Variants in GABBR2 observed in about 807,000 individuals in gnomAD.
GABBR2 encodes the protein G-protein coupled receptor 51.
GABBR2 carries 23 observed loss-of-function variants against 105.6 expected under a neutral mutation model. That is an observed-to-expected ratio of 0.22 (90% CI 0.16 to 0.31). The LOEUF is 0.31. Among genes scored for constraint, GABBR2 ranks in the 10% least tolerant of loss-of-function variants. The pLI, the probability that GABBR2 is intolerant of heterozygous loss-of-function variation, is 1.00. For missense variants in GABBR2, 734 were observed against 1,245.5 expected (o/e 0.59, Z 6.18); for synonymous variants, 478 against 499.7 (o/e 0.96, Z 0.58).
At chr9:98,601,290 GA>G (rs1484541128) in intron 1 of GABBR2, among the ~76,000 whole-genome samples, 1 of 152,210 alleles carries the variant, frequency 6.6e-6, no homozygotes, top group African/African-American at 2.4e-5. Flanking sequence ...GCCAAAAAGG[GA>G]AGATCATTTG....
chr9:98,428,489 C>T (rs1210949660), intron 7 of GABBR2, among the ~76,000 whole-genome samples: 2 of 152,150 alleles, frequency 1.3e-5, no homozygotes, highest in African/African-American at 4.8e-5. Context: ...GGATCAGCCT[C>T]CTAGAGCACC....
chr9:98,357,049 A>G (rs900623914), intron 13 of GABBR2, among the ~76,000 whole-genome samples: 6 of 152,260 alleles, frequency 3.9e-5, no homozygotes, highest in Non-Finnish European at 8.8e-5. Context: ...AGCACAGAGG[A>G]TATTTAGAAC....
intron 2 of GABBR2, among the ~76,000 whole-genome samples, chr9:98,547,248 A>G (rs1442358468): frequency 8.5e-6 from 1 of 117,116 alleles, no homozygotes; most frequent in Non-Finnish European, 1.9e-5. Context: ...TTTCCAACTC[A>G]GTAAAAAAAA....
chr9:98,642,038 G>A (rs898188325), intron 1 of GABBR2, among the ~76,000 whole-genome samples: 19 of 152,182 alleles, frequency 1.2e-4, no homozygotes, highest in South Asian at 4.1e-4. Context: ...TCCCGCTTAC[G>A]GCAGCCCTGG....
chr9:98,382,173 G>A (rs986710066), intron 11 of GABBR2, among the ~76,000 whole-genome samples: 5 of 152,076 alleles, frequency 3.3e-5, no homozygotes, highest in African/African-American at 2.4e-5. Context: ...TGAGGAGATG[G>A]GCAGAGTGGC....
chr9:98,556,350 C>T (rs182805232), intron 2 of GABBR2, among the ~76,000 whole-genome samples: 74 of 152,150 alleles, frequency 4.9e-4, no homozygotes, highest in Middle Eastern at 3.4e-3. Flanking sequence ...CACCGGGGCT[C>T]GAGAAGAAGG....
chr9:98,525,902 G>A (rs1827946945), intron 3 of GABBR2, among the ~76,000 whole-genome samples: 1 of 152,152 alleles, frequency 6.6e-6, no homozygotes, highest in African/African-American at 2.4e-5. Context: ...AGTGAAATAA[G>A]TTAACACAAA....
At chr9:98,545,953 C>A (rs1410335771) in intron 2 of GABBR2, among the ~76,000 whole-genome samples, 2 of 152,194 alleles carry the variant, frequency 1.3e-5, no homozygotes, top group African/African-American at 2.4e-5. Context: ...TTCGCATAAC[C>A]AAGTTTGTTT....
chr9:98,431,299 A>G (rs1825805271), intron 7 of GABBR2, among the ~76,000 whole-genome samples: 2 of 152,122 alleles, frequency 1.3e-5, no homozygotes, highest in African/African-American at 2.4e-5. Flanking sequence ...GACAACCTGT[A>G]TACTTTTCTC....
At chr9:98,624,413 G>A (rs2131823793) in intron 1 of GABBR2, among the ~76,000 whole-genome samples, 1 of 152,258 alleles carries the variant, frequency 6.6e-6, no homozygotes, top group East Asian at 1.9e-4. Context: ...CATGAGAGGT[G>A]GATATATTTT....
chr9:98,363,714 C>T (rs1373466053), intron 12 of GABBR2, among the ~76,000 whole-genome samples: 1 of 152,142 alleles, frequency 6.6e-6, no homozygotes. Context: ...ATTGAATTGA[C>T]ATGAAAGAAT....
At chr9:98,659,526 CTT>C (rs149511264) in intron 1 of GABBR2, among the ~76,000 whole-genome samples, 3 of 35,198 alleles carry the variant, frequency 8.5e-5, no homozygotes, top group Admixed American at 5.1e-4. Flanking sequence ...CTTTTCTTTT[CTT>C]TTTTTTTTTT....
At chr9:98,316,018 C>T (rs1765542403) in intron 13 of GABBR2, among the ~76,000 whole-genome samples, 1 of 152,246 alleles carries the variant, frequency 6.6e-6, no homozygotes. Context: ...GAGCACAGGG[C>T]ACTGACCCCT....
chr9:98,411,822 C>T (rs890189986), intron 7 of GABBR2, among the ~76,000 whole-genome samples: 3 of 152,152 alleles, frequency 2.0e-5, no homozygotes, highest in African/African-American at 7.2e-5. Context: ...CATCCCACCT[C>T]GGCTCCCCTG....
At chr9:98,596,738 C>T (rs1588244376) in intron 1 of GABBR2, among the ~76,000 whole-genome samples, 1 of 152,342 alleles carries the variant, frequency 6.6e-6, no homozygotes, top group East Asian at 1.9e-4. Context: ...CATCCTTACG[C>T]TTGCATTCTG....
chr9:98,481,021 GA>G, intron 4 of GABBR2, 24 bp from the exon 5 acceptor site: 1 of 1,490,986 alleles, frequency 6.7e-7, no homozygotes, highest in Non-Finnish European at 9.4e-7. Context: ...GACACATCAT[GA>G]AGGTGAGTAG....
chr9:98,466,465 T>C (rs553520441), intron 6 of GABBR2, among the ~76,000 whole-genome samples: 55 of 152,328 alleles, frequency 3.6e-4, no homozygotes, highest in African/African-American at 1.1e-3. Context: ...TAAAAGGTAA[T>C]CCCAATCCTT....
chr9:98,382,798 C>T (rs1336662886), intron 11 of GABBR2, among the ~76,000 whole-genome samples: 1 of 152,152 alleles, frequency 6.6e-6, no homozygotes, highest in African/African-American at 2.4e-5. Flanking sequence ...AATTGTATGC[C>T]CATGAAATTG....
chr9:98,605,915 CCCT>C (rs1428793223), intron 1 of GABBR2, among the ~76,000 whole-genome samples: 1 of 151,894 alleles, frequency 6.6e-6, no homozygotes, highest in Non-Finnish European at 1.5e-5. Flanking sequence ...CTAATGCTAT[CCCT>C]CCCCCGTCCC....
Sources: gnomAD v4.1 joint callset for allele counts (sites outside exome capture counted in the v4.1 genomes callset) on GRCh38, gnomAD v4.1.1 for gene constraint, MANE v1.5 for transcripts, NCBI Gene and HGNC (gene_info 2026-07-23, HGNC 2026-07-21) for gene names.